RMST: variants seen among roughly 807,000 people sequenced by gnomAD.
RMST encodes the protein rhabdomyosarcoma 2 associated transcript, also known as long intergenic non-protein coding RNA 54.
chr12:97,503,804 A>T (rs1878358099), intron 10 of RMST, among the ~76,000 whole-genome samples: 2 of 152,242 alleles, frequency 1.3e-5, no homozygotes, highest in South Asian at 4.1e-4. Flanking sequence ...TTCTATTCCC[A>T]TCTAGAATAT....
At chr12:97,563,917 T>A (rs768592611) in intron 13 of RMST, 6 of 503,160 alleles carry the variant, frequency 1.2e-5, no homozygotes, top group African/African-American at 1.2e-4. Context: ...AATCATCAAC[T>A]AAGAAGGGGC....
At chr12:97,491,377 C>T (rs1037123678) in intron 5 of RMST, among the ~76,000 whole-genome samples, 4 of 152,120 alleles carry the variant, frequency 2.6e-5, no homozygotes, top group African/African-American at 4.8e-5. Flanking sequence ...CCAGATGAGT[C>T]GAGGGCACGG....
At chr12:97,506,666 G>A (rs1878693875) in intron 10 of RMST, among the ~76,000 whole-genome samples, 1 of 150,110 alleles carries the variant, frequency 6.7e-6, no homozygotes, top group Non-Finnish European at 1.5e-5. Context: ...GAAGACATTA[G>A]GGTAATCTGT....
chr12:97,495,467 A>C (rs1877306359), intron 9 of RMST, among the ~76,000 whole-genome samples: 2 of 152,160 alleles, frequency 1.3e-5, no homozygotes, highest in Non-Finnish European at 2.9e-5. Flanking sequence ...ATATGAGGAT[A>C]CTAAAATATC....
chr12:97,528,765 A>G (rs140666764), intron 10 of RMST, among the ~76,000 whole-genome samples: 33 of 152,230 alleles, frequency 2.2e-4, no homozygotes, highest in African/African-American at 7.5e-4. Flanking sequence ...GGAGGATGAT[A>G]TATGCAAGGT....
intron 11 of RMST, among the ~76,000 whole-genome samples, chr12:97,538,652 C>T (rs141844622): frequency 2.2e-3 from 336 of 151,434 alleles, no homozygotes; most frequent in African/African-American, 7.9e-3. Flanking sequence ...TAAGATGCCA[C>T]GAGCTAAATG....
At chr12:97,521,484 G>A (rs2136551512) in intron 10 of RMST, among the ~76,000 whole-genome samples, 1 of 152,150 alleles carries the variant, frequency 6.6e-6, no homozygotes, top group South Asian at 2.1e-4. Flanking sequence ...GGAAATATCA[G>A]AATACATTTT....
chr12:97,510,985 A>C (rs1189708190), intron 10 of RMST, among the ~76,000 whole-genome samples: 1 of 151,944 alleles, frequency 6.6e-6, no homozygotes, highest in African/African-American at 2.4e-5. Context: ...TCACTTCATC[A>C]ATTTCTGCAG....
At chr12:97,483,399 A>C (rs1875685523) in intron 5 of RMST, 1 of 152,220 alleles carries the variant, frequency 6.6e-6, no homozygotes, top group South Asian at 2.1e-4. Flanking sequence ...GCTGACAGCA[A>C]GATGGATTTA....
chr12:97,479,133 CTTTTTT>C (rs386377507), intron 5 of RMST, among the ~76,000 whole-genome samples: 1 of 69,050 alleles, frequency 1.4e-5, no homozygotes, highest in Non-Finnish European at 2.5e-5. Context: ...CTTGTCTTTG[CTTTTTT>C]TTTTTTTTTT....
At chr12:97,491,114 T>C (rs1876748056) in intron 5 of RMST, among the ~76,000 whole-genome samples, 1 of 152,190 alleles carries the variant, frequency 6.6e-6, no homozygotes, top group Admixed American at 6.5e-5. Context: ...CTTTCTTCGA[T>C]GAATCGAAAT....
intron 5 of RMST, among the ~76,000 whole-genome samples, chr12:97,466,314 G>T (rs911670611): frequency 1.3e-5 from 2 of 152,060 alleles, no homozygotes; most frequent in Admixed American, 6.6e-5. Flanking sequence ...ATATGTTAGT[G>T]CTTTATTAAC....
At chr12:97,521,330 G>A (rs1046030261) in intron 10 of RMST, among the ~76,000 whole-genome samples, 6 of 152,050 alleles carry the variant, frequency 3.9e-5, no homozygotes, top group African/African-American at 1.4e-4. Flanking sequence ...TTTTCTAAGA[G>A]CCAAAAGCCC....
chr12:97,531,973 A>T (rs1353847436), intron 11 of RMST, among the ~76,000 whole-genome samples: 3 of 151,968 alleles, frequency 2.0e-5, no homozygotes, highest in Non-Finnish European at 2.9e-5. Context: ...TTAAAATTTG[A>T]CAATCACATT....
In RMST at chr12:97,499,245, A is replaced by AT. The variant is rs199561410; in HGVS notation, n.1340+3198dup. ...ATTCTTTATTTTTGGATATACATCA[A>AT]TTTTTTTTTCTACCCACATCCTATC... is the stretch of plus-strand genomic sequence containing the variant. On this transcript the variant is annotated intron_variant and non_coding_transcript_variant, in intron 10 of 13. Coordinates refer to ENST00000640149, the Ensembl canonical transcript of RMST. Among the ~76,000 whole-genome samples the AT allele has an allele frequency of 5.6e-4, 84 of 151,084 alleles. No individual in the cohort carries two copies. The East Asian group carries it at 0.014, about 25-fold the overall frequency.
intron 5 of RMST, among the ~76,000 whole-genome samples, chr12:97,482,520 G>A (rs1444059599): frequency 3.3e-5 from 5 of 151,220 alleles, no homozygotes; most frequent in Non-Finnish European, 5.9e-5. Context: ...CTTCCGTCAC[G>A]AGTAAAATTG....
At chr12:97,505,911 AT>A (rs1287257387) in intron 10 of RMST, among the ~76,000 whole-genome samples, 1 of 152,232 alleles carries the variant, frequency 6.6e-6, no homozygotes, top group Non-Finnish European at 1.5e-5. Context: ...AAACCAGTTT[AT>A]TATCTTATAC....
intron 13 of RMST, among the ~76,000 whole-genome samples, chr12:97,561,629 CTTTTTTTT>C (rs9331504): frequency 1.8e-5 from 1 of 56,682 alleles, no homozygotes; most frequent in Non-Finnish European, 3.0e-5. Context: ...AGTTTGAAGG[CTTTTTTTT>C]TTTTTTTTTT....
intron 11 of RMST, among the ~76,000 whole-genome samples, chr12:97,559,134 C>T (rs748042432): frequency 4.7e-5 from 7 of 150,408 alleles, no homozygotes; most frequent in Non-Finnish European, 8.8e-5. Flanking sequence ...TACATTGGGT[C>T]TGGGGTCTTT....
Sources: gnomAD v4.1 joint callset for allele counts (sites outside exome capture counted in the v4.1 genomes callset) on GRCh38, gnomAD v4.1.1 for gene constraint, MANE v1.5 for transcripts, NCBI Gene and HGNC (gene_info 2026-07-23, HGNC 2026-07-21) for gene names.